CSGALNACT1: variants seen among roughly 807,000 people sequenced by gnomAD.
CSGALNACT1 encodes beta4GalNAcT-1.
A neutral mutation model predicts 51.0 loss-of-function variants in CSGALNACT1; 52 were observed. That is an observed-to-expected ratio of 1.02 (90% CI 0.82 to 1.29). CSGALNACT1 has a LOEUF of 1.29. Among genes scored for constraint, CSGALNACT1 ranks in the 50% most tolerant of loss-of-function variants. The pLI is 0.00. For synonymous variants in CSGALNACT1, 341 were observed against 254.4 expected (o/e 1.34, Z -3.24); for missense variants, 935 against 679.2 (o/e 1.38, Z -4.19).
chr8:19,544,313 G>A (rs1388784794), intron 3 of CSGALNACT1, among the ~76,000 whole-genome samples: 3 of 152,002 alleles, frequency 2.0e-5, no homozygotes, highest in Admixed American at 6.5e-5. Context: ...TAATTTAATA[G>A]AACTAATCTC....
chr8:19,490,513 G>C (rs2074131396), intron 4 of CSGALNACT1, among the ~76,000 whole-genome samples: 1 of 152,210 alleles, frequency 6.6e-6, no homozygotes, highest in South Asian at 2.1e-4. Flanking sequence ...CTCTGACGGA[G>C]AACACCAGAA....
intron 5 of CSGALNACT1, among the ~76,000 whole-genome samples, chr8:19,443,536 C>A (rs753743185): frequency 1.3e-5 from 2 of 152,116 alleles, no homozygotes; most frequent in African/African-American, 4.8e-5. Context: ...GGATCAAAGG[C>A]ACATCTTACA....
At chr8:19,690,561 T>C (rs923125971) in intron 1 of CSGALNACT1, among the ~76,000 whole-genome samples, 1 of 152,170 alleles carries the variant, frequency 6.6e-6, no homozygotes, top group African/African-American at 2.4e-5. Flanking sequence ...ATAAAACAGA[T>C]TTTTTTCCTC....
chr8:19,693,453 C>T (rs940033519), intron 1 of CSGALNACT1, among the ~76,000 whole-genome samples: 4 of 152,090 alleles, frequency 2.6e-5, no homozygotes, highest in Admixed American at 6.6e-5. Context: ...TTTGGCTTTT[C>T]GCATCTTCTA....
At chr8:19,644,460 G>C (rs568122202) in intron 1 of CSGALNACT1, among the ~76,000 whole-genome samples, 2 of 149,822 alleles carry the variant, frequency 1.3e-5, no homozygotes, top group Non-Finnish European at 3.0e-5. Flanking sequence ...CTGTAATCCC[G>C]GTACTTTGGG....
intron 1 of CSGALNACT1, among the ~76,000 whole-genome samples, chr8:19,621,652 G>A (rs2053841195): frequency 6.6e-6 from 1 of 152,032 alleles, no homozygotes; most frequent in African/African-American, 2.4e-5. Flanking sequence ...GTGGTGGCAA[G>A]CACCTGCAGT....
Position 19,709,911 on chromosome 8 carries a change from C to T in CSGALNACT1, c.-297+47939G>A, listed in dbSNP as rs73218635. 9.6e-3 allele frequency among the ~76,000 whole-genome samples: 1,466 copies of T among 152,290 alleles called. 11 individuals carry two copies. Among genetic ancestry groups the T allele is most frequent in the Non-Finnish European group, 0.012 (791 of 68,022 alleles). ...TCCACTCCTAAAGGCCCCTACAGAA[C>T]ATTTGCTCCAGTCTGCAACCAGACC... On this transcript the variant is annotated intron_variant, in intron 1 of 1. Coordinates refer to the CSGALNACT1 transcript ENST00000517494.
At chr8:19,749,209 C>A (rs955202330) in intron 1 of CSGALNACT1, among the ~76,000 whole-genome samples, 2 of 151,320 alleles carry the variant, frequency 1.3e-5, no homozygotes. Flanking sequence ...ACTAAGCTGT[C>A]CTTCTGTGTT....
intron 1 of CSGALNACT1, among the ~76,000 whole-genome samples, chr8:19,723,573 C>T (rs924015526): frequency 6.6e-6 from 1 of 152,168 alleles, no homozygotes; most frequent in African/African-American, 2.4e-5. Flanking sequence ...GTTGCTGGGA[C>T]AGAGACATAA....
Position 19,430,991 on chromosome 8 carries a change from G to A in CSGALNACT1, c.953+8839C>T, listed in dbSNP as rs369088921. On this transcript the variant is annotated intron_variant, in intron 6 of 9. Coordinates refer to ENST00000454498, the Ensembl canonical transcript of CSGALNACT1. ...TTCATTTTCAGATTGTTTATTGCTC[G>A]TGTATAGAAATACAATTAACCTTTG... Among the ~76,000 whole-genome samples the A allele has an allele frequency of 2.8e-4, 42 of 151,970 alleles. No individual in the cohort carries two copies. The South Asian group carries it at 3.5e-3, about 13-fold the overall frequency.
intron 3 of CSGALNACT1, among the ~76,000 whole-genome samples, chr8:19,509,303 G>C (rs910780781): frequency 1.3e-5 from 2 of 152,018 alleles, no homozygotes; most frequent in African/African-American, 2.4e-5. Context: ...TTTTTCCTTC[G>C]GTAGCACAAA....
intron 1 of CSGALNACT1, among the ~76,000 whole-genome samples, chr8:19,653,707 T>C (rs1022972241): frequency 4.6e-5 from 7 of 152,064 alleles, no homozygotes; most frequent in African/African-American, 1.5e-4. Context: ...GGCGGAGGGA[T>C]TGCTTAAGCC....
At chr8:19,748,500 C>T (rs946619964) in intron 1 of CSGALNACT1, among the ~76,000 whole-genome samples, 7 of 152,152 alleles carry the variant, frequency 4.6e-5, no homozygotes, top group African/African-American at 1.7e-4. Context: ...CCTTGACACT[C>T]GTTTTCTTTT....
intron 3 of CSGALNACT1, among the ~76,000 whole-genome samples, chr8:19,577,381 G>T (rs1032258492): frequency 1.4e-5 from 2 of 138,014 alleles, no homozygotes; most frequent in South Asian, 2.3e-4. Flanking sequence ...CCTAGACAAC[G>T]AAGCCCGACC....
chr8:19,683,239 C>G (rs2060760602), upstream of CSGALNACT1: 1 of 152,642 alleles, frequency 6.6e-6, no homozygotes, highest in African/African-American at 2.4e-5. Flanking sequence ...CACCTTTACT[C>G]TACTTTGCTC....
chr8:19,661,036 C>A lies in CSGALNACT1; in HGVS notation c.-544+21437G>T, dbSNP rs953071519. Among the ~76,000 whole-genome samples, 4 of 152,142 alleles carry A rather than the reference C, an allele frequency of 2.6e-5. No individual in the cohort carries two copies. In the South Asian group the frequency reaches 8.3e-4, roughly 31 times the overall value. Reference sequence around the variant, plus strand: ...CAAGCGAATCTCCTGCTTCACCCTCCCAAGTAGCTGGGTCTACAGGTGCAT... The same window carrying A: ...CAAGCGAATCTCCTGCTTCACCCTCACAAGTAGCTGGGTCTACAGGTGCAT... On this transcript the variant is annotated intron_variant, in intron 1 of 9. Transcript: ENST00000332246.
At chr8:19,492,506 C>T (rs2074562227) in intron 4 of CSGALNACT1, among the ~76,000 whole-genome samples, 2 of 152,234 alleles carry the variant, frequency 1.3e-5, no homozygotes, top group Non-Finnish European at 2.9e-5. Flanking sequence ...CAATTCACGT[C>T]CTCTTAAACT....
At chr8:19,596,667 A>T (rs1327839188) in intron 2 of CSGALNACT1, among the ~76,000 whole-genome samples, 1 of 152,152 alleles carries the variant, frequency 6.6e-6, no homozygotes, top group East Asian at 1.9e-4. Flanking sequence ...TTTTTCATAC[A>T]TAACACATTT....
chr8:19,421,286 G>A (rs2057884589), intron 6 of CSGALNACT1, among the ~76,000 whole-genome samples: 1 of 152,196 alleles, frequency 6.6e-6, no homozygotes, highest in African/African-American at 2.4e-5. Context: ...ATTAGCATGG[G>A]CAAGGATTCC....
Sources: allele counts gnomAD v4.1 joint callset (sites outside exome capture counted in the v4.1 genomes callset), GRCh38; gene constraint gnomAD v4.1.1; transcripts MANE v1.5; gene names NCBI Gene and HGNC (gene_info 2026-07-23, HGNC 2026-07-21).